The following NOL4 variants were observed in gnomAD, a reference collection of about 807,000 sequenced individuals.
NOL4 encodes the protein cancer/testis antigen 125.
Under a neutral mutation model 75.9 loss-of-function variants are expected in NOL4, and 17 were observed. The observed-to-expected ratio is 0.22, with a 90% CI of 0.15 to 0.34. The LOEUF is 0.34. Among genes scored for constraint, NOL4 ranks in the 10% least tolerant of loss-of-function variants. The pLI is 1.00. For synonymous variants in NOL4, 292 were observed against 289.9 expected, an observed-to-expected ratio of 1.01 and a Z score of -0.07; for missense variants, 614 against 793.5, an observed-to-expected ratio of 0.77 and a Z score of 2.72.
intron 6 of NOL4, among the ~76,000 whole-genome samples, chr18:33,977,967 A>G (rs2071637759): frequency 6.6e-6 from 1 of 152,168 alleles, no homozygotes; most frequent in South Asian, 2.1e-4. Flanking sequence ...GAAGGAAAGA[A>G]GAATCATGCA....
intron 1 of NOL4, among the ~76,000 whole-genome samples, chr18:34,146,069 G>A (rs750929904): frequency 2.0e-5 from 3 of 152,056 alleles, no homozygotes; most frequent in Non-Finnish European, 2.9e-5. Flanking sequence ...ATGTGCAGAT[G>A]CTGGCTAAGT....
intron 1 of NOL4, among the ~76,000 whole-genome samples, chr18:34,217,334 G>C (rs2036966653): frequency 6.6e-6 from 1 of 151,796 alleles, no homozygotes; most frequent in South Asian, 2.1e-4. Context: ...GCCCAGGCTG[G>C]AGTGCAATGG....
intron 5 of NOL4, among the ~76,000 whole-genome samples, chr18:34,088,444 G>A (rs1350964668): frequency 5.3e-5 from 8 of 152,034 alleles, no homozygotes; most frequent in Admixed American, 3.9e-4. Context: ...CAAAATTTCT[G>A]TTTCTAATCC....
At chr18:34,075,090 G>C (rs894861905) in intron 5 of NOL4, among the ~76,000 whole-genome samples, 33 of 152,104 alleles carry the variant, frequency 2.2e-4, no homozygotes, top group African/African-American at 4.1e-4. Context: ...AAAATTCTTC[G>C]TACATTATAC....
intron 5 of NOL4, among the ~76,000 whole-genome samples, chr18:34,036,753 G>A (rs553991748): frequency 1.1e-4 from 16 of 152,090 alleles, no homozygotes; most frequent in African/African-American, 3.1e-4. Flanking sequence ...GTGAATCCCC[G>A]TCTCTACTAA....
At chr18:33,905,536 T>C (rs2065984845) in intron 9 of NOL4, among the ~76,000 whole-genome samples, 1 of 152,154 alleles carries the variant, frequency 6.6e-6, no homozygotes, top group Non-Finnish European at 1.5e-5. Context: ...GCTTGTCTTT[T>C]GGAGATTTTC....
chr18:33,944,526 G>A (rs2068711908), intron 8 of NOL4, among the ~76,000 whole-genome samples: 2 of 151,834 alleles, frequency 1.3e-5, no homozygotes, highest in South Asian at 4.1e-4. Flanking sequence ...AGCCTCTGGA[G>A]GCAAAAGGTA....
At chr18:34,218,921 G>T (rs577368594) in intron 1 of NOL4, among the ~76,000 whole-genome samples, 2 of 152,094 alleles carry the variant, frequency 1.3e-5, no homozygotes, top group Non-Finnish European at 2.9e-5. Flanking sequence ...TCCTCATGGG[G>T]TATTATTTCT....
At chr18:34,039,170 T>A (rs549862744) in intron 5 of NOL4, among the ~76,000 whole-genome samples, 1 of 152,028 alleles carries the variant, frequency 6.6e-6, no homozygotes, top group Non-Finnish European at 1.5e-5. Context: ...CTCGTCTTAT[T>A]GTCACACAAT....
intron 5 of NOL4, among the ~76,000 whole-genome samples, chr18:34,054,083 T>G (rs1334820433): frequency 6.6e-6 from 1 of 151,992 alleles, no homozygotes; most frequent in African/African-American, 2.4e-5. Context: ...GCTAGATAGT[T>G]GGTATAATTT....
chr18:34,042,108 C>T lies in NOL4; in HGVS notation c.773-22507G>A, dbSNP rs145521777. Among the ~76,000 whole-genome samples the T allele has an allele frequency of 9.9e-5, 15 of 152,040 alleles. No individual in the cohort carries two copies. The East Asian group carries it at 2.5e-3, about 25-fold the overall frequency. ...AGTTCTGAATATACTTTAGTAAATT[C>T]TGATGTTTGGGCTCAGATATTGACC... On this transcript the variant is annotated intron_variant, in intron 5 of 10. Transcript: ENST00000261592.
intron 10 of NOL4, among the ~76,000 whole-genome samples, chr18:33,864,712 T>C (rs2063344463): frequency 6.6e-6 from 1 of 152,142 alleles, no homozygotes; most frequent in Admixed American, 6.5e-5. Flanking sequence ...CAATTTCCTA[T>C]ATTAGTCTAT....
At chr18:33,953,480 T>G (rs969093422) in intron 8 of NOL4, among the ~76,000 whole-genome samples, 7 of 151,896 alleles carry the variant, frequency 4.6e-5, no homozygotes, top group Non-Finnish European at 8.8e-5. Flanking sequence ...TAAGAACACA[T>G]AAAATTGGAA....
intron 1 of NOL4, among the ~76,000 whole-genome samples, chr18:34,166,066 T>C (rs2032294287): frequency 6.6e-6 from 1 of 152,072 alleles, no homozygotes; most frequent in Admixed American, 6.6e-5. Context: ...CAGGGCCAGA[T>C]AAACTTTAGT....
chr18:33,889,976 C>A (rs533828224), intron 9 of NOL4, among the ~76,000 whole-genome samples: 2 of 152,188 alleles, frequency 1.3e-5, no homozygotes, highest in African/African-American at 4.8e-5. Flanking sequence ...AAAACCGGCA[C>A]AAGACAAGGA....
chr18:34,218,288 G>T (rs1278778952), intron 1 of NOL4, among the ~76,000 whole-genome samples: 1 of 152,132 alleles, frequency 6.6e-6, no homozygotes, highest in Non-Finnish European at 1.5e-5. Flanking sequence ...TAGGGAGCAG[G>T]ATCCCAGCAA....
intron 1 of NOL4, among the ~76,000 whole-genome samples, chr18:34,200,622 A>G (rs529566158): frequency 6.6e-6 from 1 of 151,824 alleles, no homozygotes; most frequent in East Asian, 1.9e-4. Flanking sequence ...AAAAGTCCCA[A>G]TGAGCCACTC....
intron 6 of NOL4, among the ~76,000 whole-genome samples, chr18:33,970,768 T>G (rs2070991706): frequency 6.6e-6 from 1 of 152,012 alleles, no homozygotes; most frequent in Non-Finnish European, 1.5e-5. Flanking sequence ...TATGTGTGTG[T>G]CAGTGGCAAC....
chr18:33,991,428 A>G (rs571943974), intron 6 of NOL4, among the ~76,000 whole-genome samples: 2 of 152,236 alleles, frequency 1.3e-5, no homozygotes, highest in East Asian at 3.9e-4. Flanking sequence ...ACTGTTTAAC[A>G]TCTACTCTGT....
Sources: allele counts gnomAD v4.1 joint callset (sites outside exome capture counted in the v4.1 genomes callset), GRCh38; gene constraint gnomAD v4.1.1; transcripts MANE v1.5; gene names NCBI Gene and HGNC (gene_info 2026-07-23, HGNC 2026-07-21).